Variants in ADGRV1 observed in about 807,000 individuals in gnomAD.
The protein encoded by ADGRV1 is G-protein coupled receptor 98.
ADGRV1 carries 359 observed loss-of-function variants against 596.2 expected under a neutral mutation model. The observed-to-expected ratio is 0.60, with a 90% confidence interval of 0.55 to 0.66. ADGRV1 has a LOEUF of 0.66. Among genes scored for constraint, ADGRV1 ranks in the 30% least tolerant of loss-of-function variants. ADGRV1 has a pLI of 0.00. For missense variants in ADGRV1, 7,274 were observed against 7,575.6 expected, an observed-to-expected ratio of 0.96 and a Z score of 1.48; for synonymous variants, 2,681 against 2,679.2, an observed-to-expected ratio of 1.00 and a Z score of -0.02.
intron 85 of ADGRV1, among the ~76,000 whole-genome samples, chr5:91,070,050 T>C (rs1788245454): frequency 6.6e-6 from 1 of 152,150 alleles, no homozygotes; most frequent in South Asian, 2.1e-4. Flanking sequence ...AAGTGGAAGC[T>C]AAGCATTGGG....
chr5:90,972,488 T>G (rs1197187006), intron 84 of ADGRV1, among the ~76,000 whole-genome samples: 2 of 152,054 alleles, frequency 1.3e-5, no homozygotes, highest in African/African-American at 2.4e-5. Flanking sequence ...AGAACAGAAA[T>G]TATAATAAAC....
chr5:90,790,161 T>A (rs1581131630), intron 69 of ADGRV1, among the ~76,000 whole-genome samples: 1 of 152,246 alleles, frequency 6.6e-6, no homozygotes, highest in African/African-American at 2.4e-5. Context: ...TACTTAAGCC[T>A]CTCAATGATT....
At chr5:90,919,159 C>T (rs1188190029) in intron 83 of ADGRV1, among the ~76,000 whole-genome samples, 1 of 152,208 alleles carries the variant, frequency 6.6e-6, no homozygotes, top group Non-Finnish European at 1.5e-5. Flanking sequence ...TCCTTCCTGT[C>T]ACCCAGATCA....
chr5:91,088,351 T>C (rs1349983759), intron 86 of ADGRV1, among the ~76,000 whole-genome samples: 1 of 152,216 alleles, frequency 6.6e-6, no homozygotes, highest in Non-Finnish European at 1.5e-5. Flanking sequence ...ATATTAAAGC[T>C]GCTTTGCTAC....
intron 85 of ADGRV1, among the ~76,000 whole-genome samples, chr5:91,002,609 C>T (rs1163323547): frequency 6.6e-6 from 1 of 152,022 alleles, no homozygotes; most frequent in African/African-American, 2.4e-5. Context: ...TTTCTGGCCC[C>T]TTTAATAATT....
At chr5:90,826,301 A>G (rs2150312564) in intron 76 of ADGRV1, among the ~76,000 whole-genome samples, 1 of 152,290 alleles carries the variant, frequency 6.6e-6, no homozygotes, top group African/African-American at 2.4e-5. Context: ...GAGCCACCCA[A>G]TTATTGCTAG....
At chr5:91,077,184 A>G (rs971503264) in intron 86 of ADGRV1, among the ~76,000 whole-genome samples, 1 of 152,190 alleles carries the variant, frequency 6.6e-6, no homozygotes, top group Non-Finnish European at 1.5e-5. Flanking sequence ...GGGCATCTCT[A>G]TAGAACAGAA....
At chr5:90,639,540 T>G (rs1416645533) in intron 11 of ADGRV1, among the ~76,000 whole-genome samples, 1 of 152,134 alleles carries the variant, frequency 6.6e-6, no homozygotes, top group Non-Finnish European at 1.5e-5. Context: ...CTATCCCCTA[T>G]GGGTAAAAAT....
In ADGRV1 at chr5:90,690,068, G is replaced by T. The variant is rs1434927865; in HGVS notation, c.6698G>T (p.Gly2233Val). The T allele has an allele frequency of 1.3e-6, 2 of 1,536,112 alleles. No individual in the cohort carries two copies. Among genetic ancestry groups the T allele is most frequent in the Non-Finnish European group, 1.8e-6 (2 of 1,126,434 alleles). Residue 2233 changes from glycine (G) to valine (V), a missense_variant, in exon 30 of 90, where the codon GGA becomes GTA. Coordinates refer to ENST00000405460, the MANE Select transcript of ADGRV1 (RefSeq NM_032119.4). ...IIIEASDDPY[G>V]LFGFQITKLI... ...ATTGAGGCCTCTGATGACCCCTATG[G>T]ATTATTTGGTATGAAGACTAATTTA... is the stretch of plus-strand genomic sequence containing the variant.
intron 83 of ADGRV1, among the ~76,000 whole-genome samples, chr5:90,939,979 C>T (rs1025621384): frequency 6.6e-6 from 1 of 152,154 alleles, no homozygotes; most frequent in Non-Finnish European, 1.5e-5. Context: ...TCTTACCTAG[C>T]CTCATATCTT....
intron 1 of ADGRV1, among the ~76,000 whole-genome samples, chr5:90,589,276 T>A (rs1759170713): frequency 6.6e-6 from 1 of 152,186 alleles, no homozygotes; most frequent in African/African-American, 2.4e-5. Context: ...ACACCAGAGT[T>A]CCTAAGTTGA....
At chr5:90,787,590 CT>C (rs35504697) in intron 67 of ADGRV1, among the ~76,000 whole-genome samples, 37,396 of 118,400 alleles carry the variant, frequency 0.32, 3,968 homozygotes, top group Middle Eastern at 0.41. Context: ...TTCTTTCTTT[CT>C]TTTTTTTTTT....
intron 84 of ADGRV1, among the ~76,000 whole-genome samples, chr5:90,984,125 G>T (rs535621775): frequency 3.4e-4 from 51 of 152,172 alleles, no homozygotes; most frequent in African/African-American, 1.2e-3. Context: ...TTGTATACAT[G>T]CAACTGAGGC....
At chr5:90,773,644 A>T (rs1407958180) in intron 59 of ADGRV1, among the ~76,000 whole-genome samples, 1 of 152,142 alleles carries the variant, frequency 6.6e-6, no homozygotes, top group African/African-American at 2.4e-5. Flanking sequence ...AGACAGAAAA[A>T]CTACATTTTC....
intron 83 of ADGRV1, among the ~76,000 whole-genome samples, chr5:90,927,143 A>G (rs1022348800): frequency 2.7e-5 from 4 of 150,276 alleles, no homozygotes; most frequent in African/African-American, 7.5e-5. Flanking sequence ...GTAGATGTCT[A>G]TTAGGTCCGC....
chr5:91,023,877 G>C (rs369168791), intron 85 of ADGRV1, among the ~76,000 whole-genome samples: 1 of 152,022 alleles, frequency 6.6e-6, no homozygotes, highest in Admixed American at 6.6e-5. Context: ...CTAATATATA[G>C]TAACTTGTCA....
chr5:91,088,938 A>G (rs1438286301), intron 86 of ADGRV1, among the ~76,000 whole-genome samples: 1 of 152,162 alleles, frequency 6.6e-6, no homozygotes, highest in Non-Finnish European at 1.5e-5. Flanking sequence ...CCTAGAGTAT[A>G]TACATAGCAT....
chr5:90,627,851 CACA>C, intron 7 of ADGRV1, 75 bp downstream of exon 7: 3 of 915,340 alleles, frequency 3.3e-6, no homozygotes, highest in Non-Finnish European at 4.8e-6. Flanking sequence ...TGGTGTTGGA[CACA>C]ACAATGAACT....
At chr5:90,641,063 T>G (rs551067843) in intron 11 of ADGRV1, among the ~76,000 whole-genome samples, 1 of 152,328 alleles carries the variant, frequency 6.6e-6, no homozygotes, top group South Asian at 2.1e-4. Context: ...GTTTATTTAT[T>G]TTTGGTCCTA....
Sources: gnomAD v4.1 joint callset for allele counts (sites outside exome capture counted in the v4.1 genomes callset) on GRCh38, gnomAD v4.1.1 for gene constraint, MANE v1.5 for transcripts, NCBI Gene and HGNC (gene_info 2026-07-23, HGNC 2026-07-21) for gene names.